Variants in RNF150 observed in about 807,000 individuals in gnomAD.
RNF150 encodes the protein ring finger protein 150.
A neutral mutation model predicts 39.3 loss-of-function variants in RNF150; 24 were observed. The observed-to-expected ratio is 0.61, with a 90% CI of 0.44 to 0.86. The LOEUF (loss-of-function observed/expected upper bound fraction) is 0.86. RNF150 is among the 40% of genes least tolerant of loss of function. RNF150 has a pLI of 0.00. For missense variants in RNF150, 502 were observed against 587.8 expected (o/e 0.85, Z 1.51); for synonymous variants, 255 against 227.3 (o/e 1.12, Z -1.10).
chr4:140,976,397 C>T (rs1399728920), intron 1 of RNF150, among the ~76,000 whole-genome samples: 2 of 152,014 alleles, frequency 1.3e-5, no homozygotes, highest in Admixed American at 1.3e-4. Context: ...TCATCCTCCT[C>T]AAATCAGAAT....
chr4:141,036,262 T>C (rs1450554301), intron 1 of RNF150, among the ~76,000 whole-genome samples: 1 of 152,192 alleles, frequency 6.6e-6, no homozygotes, highest in Non-Finnish European at 1.5e-5. Context: ...TTTGGGCCTA[T>C]AATAGGTACT....
intron 6 of RNF150, among the ~76,000 whole-genome samples, chr4:140,872,610 G>A (rs1268783767): frequency 1.3e-5 from 2 of 152,172 alleles, no homozygotes; most frequent in African/African-American, 2.4e-5. Flanking sequence ...TGGAGATAAG[G>A]GGACAAATCA....
chr4:141,027,882 A>T (rs1363834924), intron 1 of RNF150, among the ~76,000 whole-genome samples: 1 of 139,098 alleles, frequency 7.2e-6, no homozygotes, highest in Admixed American at 7.5e-5. Context: ...GTTCTTAAAG[A>T]TCATTAGATA....
intron 6 of RNF150, among the ~76,000 whole-genome samples, chr4:140,903,484 C>T (rs530500942): frequency 1.8e-4 from 28 of 152,232 alleles, no homozygotes; most frequent in Non-Finnish European, 2.8e-4. Context: ...CTTATTTACA[C>T]GAGACCCTCC....
chr4:141,130,120 A>G lies in RNF150; in HGVS notation c.484+2205T>C, dbSNP rs61510962. ...CCTCAAATTTAACTAGGAAAAGTAAAGCTTTCAAGATCTGGACTACATGGA... is the reference window on the plus strand; with the variant it reads ...CCTCAAATTTAACTAGGAAAAGTAAGGCTTTCAAGATCTGGACTACATGGA... On this transcript the variant is annotated intron_variant, in intron 1 of 6. Coordinates refer to ENST00000515673, the MANE Select transcript of RNF150 (RefSeq NM_020724.2). Among the ~76,000 whole-genome samples, 1,238 of 152,364 alleles carry G rather than the reference A, an allele frequency of 8.1e-3. 18 individuals are homozygous for G. The highest frequency in any genetic ancestry group is 0.028 in the African/African-American group (1,153 of 41,584).
rs570890194 is a variant in RNF150, at chr4:141,117,002, G to A, written c.484+15323C>T. On this transcript the variant is annotated intron_variant, in intron 1 of 6. Transcript: ENST00000515673. ...ACCGGAGCCTGTCAGGGGGTGGGGG[G>A]ACTAGGGGAGGGGAGGGATAGCATT... is the stretch of plus-strand genomic sequence containing the variant. Among the ~76,000 whole-genome samples, 5 of 151,484 alleles carry A rather than the reference G, an allele frequency of 3.3e-5. No individual in the cohort carries two copies. The East Asian group carries it at 7.8e-4, about 24-fold the overall frequency.
At chr4:141,064,999 G>C (rs148140950) in intron 1 of RNF150, among the ~76,000 whole-genome samples, 2,137 of 152,298 alleles carry the variant, frequency 0.014, 24 homozygotes, top group Middle Eastern at 0.027. Flanking sequence ...CCAAGTAGCT[G>C]GGATCACAGG....
chr4:141,090,235 C>T (rs1280979027), intron 1 of RNF150, among the ~76,000 whole-genome samples: 1 of 152,142 alleles, frequency 6.6e-6, no homozygotes, highest in African/African-American at 2.4e-5. Context: ...TGGAATAACC[C>T]TGGAGAGTAA....
intron 1 of RNF150, among the ~76,000 whole-genome samples, chr4:141,170,517 A>G (rs1337190945): frequency 6.6e-6 from 1 of 152,204 alleles, no homozygotes; most frequent in Non-Finnish European, 1.5e-5. Flanking sequence ...TATAGTTCGT[A>G]TTCTGCTTAG....
intron 1 of RNF150, among the ~76,000 whole-genome samples, chr4:141,183,344 C>A (rs1020459980): frequency 4.6e-5 from 7 of 151,916 alleles, no homozygotes; most frequent in Non-Finnish European, 5.9e-5. Flanking sequence ...GATTCCTGCC[C>A]CACTGGTATA....
At chr4:140,920,714 G>T (rs1731084083) in intron 5 of RNF150, among the ~76,000 whole-genome samples, 1 of 152,076 alleles carries the variant, frequency 6.6e-6, no homozygotes, top group Non-Finnish European at 1.5e-5. Flanking sequence ...TATAAACCAT[G>T]CTGCTATAAA....
At chr4:140,952,852 C>A (rs1290879614) in intron 2 of RNF150, among the ~76,000 whole-genome samples, 1 of 152,060 alleles carries the variant, frequency 6.6e-6, no homozygotes, top group Non-Finnish European at 1.5e-5. Flanking sequence ...GGCTTAATGA[C>A]AGGGATACAT....
intron 1 of RNF150, among the ~76,000 whole-genome samples, chr4:141,102,903 T>C (rs1739064122): frequency 6.6e-6 from 1 of 152,212 alleles, no homozygotes; most frequent in African/African-American, 2.4e-5. Context: ...ATTACTAAAA[T>C]GGAGCCTGGA....
intron 1 of RNF150, among the ~76,000 whole-genome samples, chr4:141,166,152 T>A (rs765951172): frequency 6.6e-6 from 1 of 152,040 alleles, no homozygotes; most frequent in South Asian, 2.1e-4. Flanking sequence ...CAAACTACCA[T>A]CAGAGAATAC....
chr4:141,049,950 T>C (rs1021667581), intron 1 of RNF150, among the ~76,000 whole-genome samples: 3 of 152,106 alleles, frequency 2.0e-5, no homozygotes, highest in African/African-American at 7.2e-5. Context: ...TGTACAACTA[T>C]GTACACATAT....
At chr4:140,979,798 C>T (rs887022252) in intron 1 of RNF150, among the ~76,000 whole-genome samples, 1 of 152,076 alleles carries the variant, frequency 6.6e-6, no homozygotes, top group Non-Finnish European at 1.5e-5. Context: ...GTAAACTTTC[C>T]ACCTGTTTTG....
intron 1 of RNF150, among the ~76,000 whole-genome samples, chr4:141,157,885 T>C (rs778498669): frequency 1.3e-5 from 2 of 152,202 alleles, no homozygotes; most frequent in African/African-American, 2.4e-5. Context: ...TTTGAGGTTA[T>C]TGCATTTGCT....
intron 4 of RNF150, among the ~76,000 whole-genome samples, chr4:140,933,427 TCA>T (rs1029182648): frequency 2.9e-4 from 44 of 152,272 alleles, no homozygotes; most frequent in African/African-American, 1.0e-3. Flanking sequence ...AAAATGGTGC[TCA>T]AAGGAAATGC....
At chr4:140,971,271 A>C (rs1428584847) in intron 1 of RNF150, among the ~76,000 whole-genome samples, 1 of 151,752 alleles carries the variant, frequency 6.6e-6, no homozygotes, top group Non-Finnish European at 1.5e-5. Context: ...GCAGGGAAGG[A>C]GAAAAAGGGG....
Sources: allele counts gnomAD v4.1 joint callset (sites outside exome capture counted in the v4.1 genomes callset), GRCh38; gene constraint gnomAD v4.1.1; transcripts MANE v1.5; gene names NCBI Gene and HGNC (gene_info 2026-07-23, HGNC 2026-07-21).